The following TSC1 variants were observed in gnomAD, a reference collection of about 807,000 sequenced individuals.
The protein encoded by TSC1 is hamartin.
Under a neutral mutation model 124.3 loss-of-function variants are expected in TSC1, and 20 were observed. That is an observed-to-expected ratio of 0.16 (90% CI 0.11 to 0.23). TSC1 has a LOEUF of 0.23. Among genes scored for constraint, TSC1 ranks in the 10% least tolerant of loss-of-function variants. TSC1 has a pLI of 1.00. For missense variants in TSC1, 1,124 were observed against 1,448.5 expected (o/e 0.78, Z 3.64); for synonymous variants, 493 against 539.1 (o/e 0.91, Z 1.19).
intron 1 of TSC1, among the ~76,000 whole-genome samples, chr9:132,939,865 AT>A (rs1281410122): frequency 6.6e-6 from 1 of 152,148 alleles, no homozygotes; most frequent in Non-Finnish European, 1.5e-5. Context: ...AGAAATGTAA[AT>A]TCTCAGGCCT....
Position 132,906,256 on chromosome 9 carries a change from T to G in TSC1, c.1439-117A>C. On this transcript the variant is annotated intron_variant, in intron 14 of 22. Coordinates refer to ENST00000298552, the MANE Select transcript of TSC1 (RefSeq NM_000368.5). This position sits in a 1 kb window ranked among gnomAD's most constrained non-coding sequence, Gnocchi z 4.1. ...TGTCACTCAGAGAGAGGAGAAAAAG[T>G]GGCATCCGGCTGGACACAGTGGCTC... The G allele has an allele frequency of 2.4e-6, 3 of 1,233,020 alleles. No individual in the cohort carries two copies. The highest frequency in any genetic ancestry group is 3.5e-6 in the Non-Finnish European group (3 of 867,594). 76.4% of individuals were successfully genotyped at this position (1,233,020 alleles called of 1,614,324 possible). A position where few individuals can be genotyped will look rare whatever the true frequency, so the allele number is the denominator to read the frequency against.
In TSC1 at chr9:132,895,203, A is replaced by G. The variant is rs1844969519; in HGVS notation, c.*1032T>C. On this transcript the variant is annotated 3_prime_UTR_variant, in exon 23 of 23. Coordinates refer to ENST00000298552, the MANE Select transcript of TSC1 (RefSeq NM_000368.5). ...TGAGGCAACCCTAATGGCCTGGGAA[A>G]TGATGGTCACATACACTTTGCAGAA... 4.3e-6 allele frequency: 1 copy of G among 233,160 alleles called. No individual in the cohort carries two copies. Among genetic ancestry groups the G allele is most frequent in the Non-Finnish European group, 8.5e-6 (1 of 117,766 alleles). The allele number at this position is 233,160 out of a possible 1,614,324, so 14.4% of individuals were successfully genotyped here. A position where few individuals can be genotyped will look rare whatever the true frequency, so the allele number is the denominator to read the frequency against.
In TSC1 at chr9:132,892,099, C is replaced by G. The variant is rs766856579; in HGVS notation, c.*4136G>C. On this transcript the variant is annotated 3_prime_UTR_variant, in exon 23 of 23. Transcript: ENST00000298552. ...TTCCCTTGTAGCTACAGCTACTCTT[C>G]CCTCAGGCGAGCAGATAAGGACTGC... 4.3e-6 allele frequency: 1 copy of G among 233,124 alleles called. No individual in the cohort carries two copies. Among genetic ancestry groups the G allele is most frequent in the Non-Finnish European group, 8.5e-6 (1 of 118,024 alleles). 14.4% of individuals were successfully genotyped at this position (233,124 alleles called of 1,614,324 possible).
chr9:132,931,515 T>A (rs1269593002), intron 2 of TSC1: 1 of 152,210 alleles, frequency 6.6e-6, no homozygotes, highest in Non-Finnish European at 1.5e-5. Context: ...GGTATAGTGG[T>A]GAGCATAGCT....
At chr9:132,900,982 T>A in intron 19 of TSC1, 145 bp from the exon 20 acceptor site, 1 of 1,186,458 alleles carries the variant, frequency 8.4e-7, no homozygotes, top group Non-Finnish European at 1.2e-6. Flanking sequence ...GTCCCTGACA[T>A]AATGGCAGGT....
At chr9:132,936,795 C>A (rs1015876519) in intron 1 of TSC1, among the ~76,000 whole-genome samples, 1 of 152,130 alleles carries the variant, frequency 6.6e-6, no homozygotes, top group Non-Finnish European at 1.5e-5. Flanking sequence ...GGCAGCCATT[C>A]CAGAGTTGAA....
In TSC1 at chr9:132,923,056, G is replaced by A. The variant is rs1453266398; in HGVS notation, c.508+292C>T. On this transcript the variant is annotated intron_variant, in intron 6 of 22. Transcript: ENST00000298552. The surrounding 1 kb of genome is among the most constrained non-coding windows in gnomAD (Gnocchi z 4.2). ...AGTCCTGTACTGCTGCAATACAGAC[G>A]GAGGCTGTTTTTCAGTTTATCAACA... is the stretch of plus-strand genomic sequence containing the variant. Among the ~76,000 whole-genome samples, 1 of 152,142 alleles carries A rather than the reference G, an allele frequency of 6.6e-6. No homozygotes were observed. The highest frequency in any genetic ancestry group is 1.5e-5 in the Non-Finnish European group (1 of 68,024).
intron 4 of TSC1, 93 bp from the exon 5 acceptor site, chr9:132,925,832 C>T: frequency 6.6e-7 from 1 of 1,507,898 alleles, no homozygotes; most frequent in Non-Finnish European, 9.2e-7. Context: ...TCTCTCAAGT[C>T]TTGTCTCTAA....
At position 132,906,871 on chromosome 9, in the gene TSC1, T is replaced by C. The variant is rs1845702183; in HGVS notation, c.1334-36A>G. The C allele has an allele frequency of 6.5e-7, 1 of 1,537,702 alleles. No homozygotes were observed. Among genetic ancestry groups the C allele is most frequent in the African/African-American group, 1.4e-5 (1 of 73,334 alleles). ...ACAAAGACAACTGAAGTCAAAGAAA[T>C]ACAGTGTAATCCCTGTAAGTGTAAA... On this transcript the variant is annotated intron_variant, in intron 13 of 22. Transcript: ENST00000298552. The surrounding 1 kb of genome is among the most constrained non-coding windows in gnomAD (Gnocchi z 4.1).
chr9:132,942,923 C>G (rs901815093), intron 1 of TSC1, among the ~76,000 whole-genome samples: 9 of 152,076 alleles, frequency 5.9e-5, no homozygotes, highest in African/African-American at 2.2e-4. Flanking sequence ...TGATGCATGA[C>G]TGTTAAAGGT....
chr9:132,941,398 T>C (rs577392423), intron 1 of TSC1: 40 of 152,248 alleles, frequency 2.6e-4, no homozygotes, highest in African/African-American at 7.9e-4. Flanking sequence ...GAAAGAATAA[T>C]CTCAAACTGC....
At chr9:132,901,520 A>G in intron 19 of TSC1, 69 bp downstream of exon 19, 7 of 1,387,120 alleles carry the variant, frequency 5.0e-6, no homozygotes, top group Non-Finnish European at 7.1e-6. Flanking sequence ...TATTTCTTTA[A>G]CCTGTCTGAA....
At position 132,931,810 on chromosome 9, in the gene TSC1, GA is replaced by G. The variant is rs1407377339; in HGVS notation, c.-80-2859del. On this transcript the variant is annotated intron_variant, in intron 2 of 22. Coordinates refer to ENST00000298552, the MANE Select transcript of TSC1 (RefSeq NM_000368.5). Reference sequence around the variant, plus strand: ...ATGAAGAATTAAATGTTTTATAGCAGAAAAAAAGACATGGTTCAATATGTGT... The same window carrying G: ...ATGAAGAATTAAATGTTTTATAGCAGAAAAAAGACATGGTTCAATATGTGT... Among the ~76,000 whole-genome samples the G allele has an allele frequency of 3.9e-5, 6 of 152,236 alleles. No individual in the cohort carries two copies. The East Asian group carries it at 7.7e-4, about 20-fold the overall frequency.
Position 132,896,860 on chromosome 9 carries a change from T to C in TSC1, c.2976-106A>G. On this transcript the variant is annotated intron_variant, in intron 22 of 22. Coordinates refer to ENST00000298552, the MANE Select transcript of TSC1 (RefSeq NM_000368.5). This position sits in a 1 kb window ranked among gnomAD's most constrained non-coding sequence, Gnocchi z 4.5. Reference sequence around the variant, plus strand: ...CACTCACACTGACACTGAACTCCGCTAGCCCACTCTCTGTTTTATAATACT... The same window carrying C: ...CACTCACACTGACACTGAACTCCGCCAGCCCACTCTCTGTTTTATAATACT... The C allele has an allele frequency of 6.5e-7, 1 of 1,535,256 alleles. No individual in the cohort carries two copies.
chr9:132,905,436 C>T, intron 15 of TSC1, 145 bp downstream of exon 15: 1 of 1,126,164 alleles, frequency 8.9e-7, no homozygotes, highest in South Asian at 1.4e-5. Flanking sequence ...GATGCAACAG[C>T]CTAGAAGGAC....
At position 132,921,943 on chromosome 9, in the gene TSC1, A is replaced by C; in HGVS notation, c.539T>G (p.Leu180Arg). Residue 180 changes from leucine (L) to arginine (R), a missense_variant, in exon 7 of 23, where the codon CTC becomes CGC. Transcript: ENST00000298552. This position sits in a 1 kb window ranked among gnomAD's most constrained non-coding sequence, Gnocchi z 4.3. Reference sequence around the variant, plus strand: ...AAAGAGTGCGTACACACTGGCATGGAGATGGACGAGATAGACTTCCGCCAC... The same window carrying C: ...AAAGAGTGCGTACACACTGGCATGGCGATGGACGAGATAGACTTCCGCCAC... The part of the protein sequence containing the change: ...GHVAEVYLVH[L>R]HASVYALFHR... 6.2e-7 allele frequency: 1 copy of C among 1,614,172 alleles called. No homozygotes were observed.
Position 132,902,556 on chromosome 9 carries a change from G to A in TSC1, c.2391+49C>T, listed in dbSNP as rs2131726116. 1 of 1,609,990 alleles carries A rather than the reference G, an allele frequency of 6.2e-7. No individual in the cohort carries two copies. The highest frequency in any genetic ancestry group is 8.5e-7 in the Non-Finnish European group (1 of 1,177,570). ...GAAACTGACTGCCTCCCTCCCCACTGCTCTCCGGCATTCTCGCAGTTGGCT... is the reference window on the plus strand; with the variant it reads ...GAAACTGACTGCCTCCCTCCCCACTACTCTCCGGCATTCTCGCAGTTGGCT... On this transcript the variant is annotated intron_variant, in intron 18 of 22. Transcript: ENST00000298552. The surrounding 1 kb of genome is among the most constrained non-coding windows in gnomAD (Gnocchi z 5.2).
chr9:132,909,608 A>C (rs1337687462), intron 12 of TSC1: 1 of 152,224 alleles, frequency 6.6e-6, no homozygotes, highest in Non-Finnish European at 1.5e-5. Flanking sequence ...CTGGCATTCC[A>C]TGAAAAAAGG....
chr9:132,900,730 G>C lies in TSC1; in HGVS notation c.2610C>G (p.His870Gln). The change falls in exon 20 of 23, where the codon CAC (histidine) becomes CAG (glutamine). Residue 870 changes from histidine (H) to glutamine (Q), a missense_variant. By Grantham distance (24) the His-to-Gln change is conservative. Coordinates refer to ENST00000298552, the MANE Select transcript of TSC1 (RefSeq NM_000368.5). ...CCTGGCATACCTTTGTGGTATCTGA[G>C]TGCTTGTTCTGCAGTTGTTCCAAAT... Reference protein sequence around the residue: ...ELYLEQLQNKHSDTTKEVEMM... With the variant: ...ELYLEQLQNKQSDTTKEVEMM... 1 of 1,614,162 alleles carries C rather than the reference G, an allele frequency of 6.2e-7. No individual in the cohort carries two copies. Among genetic ancestry groups the C allele is most frequent in the Non-Finnish European group, 8.5e-7 (1 of 1,180,022 alleles).
Sources: allele counts gnomAD v4.1 joint callset (sites outside exome capture counted in the v4.1 genomes callset), GRCh38; gene constraint gnomAD v4.1.1; non-coding constraint Gnocchi (gnomAD v3.1); transcripts MANE v1.5; gene names NCBI Gene and HGNC (gene_info 2026-07-23, HGNC 2026-07-21).